The following ANK2 variants were observed in gnomAD, a reference collection of about 807,000 sequenced individuals.
ANK2 encodes the protein ankyrin-2.
A neutral mutation model predicts 360.5 loss-of-function variants in ANK2; 83 were observed. The ratio of observed to expected loss-of-function variants is 0.23; its 90% confidence interval spans 0.19 to 0.28. The LOEUF (loss-of-function observed/expected upper bound fraction) is 0.28, where lower values mean the gene tolerates loss of function less well. Among genes scored for constraint, ANK2 ranks in the 10% least tolerant of loss-of-function variants. The pLI is 1.00. For synonymous variants in ANK2, 1,740 were observed against 1,759.5 expected (o/e 0.99, Z 0.28); for missense variants, 4,201 against 4,795.7 (o/e 0.88, Z 3.66).
In ANK2 at chr4:113,076,617, G is replaced by A. The variant is rs1404979886; in HGVS notation, c.84+26805G>A. ...TCAAGACCAGCCTGGGAAGCATAACGAAACCCTGTCTCTGTAAAAAATACA... is the reference window on the plus strand; with the variant it reads ...TCAAGACCAGCCTGGGAAGCATAACAAAACCCTGTCTCTGTAAAAAATACA... On this transcript the variant is annotated intron_variant, in intron 1 of 45. Transcript: ENST00000357077. Among the ~76,000 whole-genome samples the A allele has an allele frequency of 3.9e-5, 6 of 151,986 alleles. 1 individual carries two copies. Among genetic ancestry groups the A allele is most frequent in the Admixed American group, 1.3e-4 (2 of 15,230 alleles).
At chr4:112,998,229 A>G (rs1265707165) in intron 2 of ANK2, among the ~76,000 whole-genome samples, 2 of 151,798 alleles carry the variant, frequency 1.3e-5, no homozygotes, top group Admixed American at 6.6e-5. Context: ...GGGCAAATGG[A>G]CTCTTTCAAG....
the ANK2 span, among the ~76,000 whole-genome samples, chr4:112,790,642 C>G: frequency 6.6e-6 from 1 of 151,996 alleles, no homozygotes; most frequent in African/African-American, 2.4e-5. Context: ...GTGCATGCCA[C>G]CACGCCGGCT....
Position 113,242,228 on chromosome 4 carries a change from T to C in ANK2, c.891+19T>C, listed in dbSNP as rs2153574201. ...AACTAGGGTGAGTGTCTCTGTTCTT[T>C]CAATTTTCTACCATTATTATTTCTT... On this transcript the variant is annotated intron_variant, in intron 9 of 45. Coordinates refer to ENST00000357077, the MANE Select transcript of ANK2 (RefSeq NM_001148.6). The C allele has an allele frequency of 6.3e-7, 1 of 1,597,800 alleles. No individual in the cohort carries two copies. Among genetic ancestry groups the C allele is most frequent in the Non-Finnish European group, 8.6e-7 (1 of 1,165,272 alleles).
intron 14 of ANK2, among the ~76,000 whole-genome samples, chr4:113,266,808 C>T (rs191702615): frequency 3.5e-4 from 53 of 152,074 alleles, no homozygotes; most frequent in African/African-American, 8.9e-4. Context: ...ACCCGGGAGG[C>T]GGAGGTTGCG....
Position 113,293,481 on chromosome 4 carries a change from C to T in ANK2, c.2418C>T (p.Tyr806=). The T allele has an allele frequency of 6.2e-7, 1 of 1,613,896 alleles. No individual in the cohort carries two copies. The highest frequency in any genetic ancestry group is 8.5e-7 in the Non-Finnish European group (1 of 1,180,018). ...TALAIAKRLG[Y]ISVVDTLKVV... ...TGGCGATTGCTAAGCGTCTGGGCTA[C>T]ATCTCCGTGGTCGACACCCTGAAGG... is the stretch of plus-strand genomic sequence containing the variant. The change falls in exon 22 of 46, where the codon TAC becomes TAT. Residue 806 remains tyrosine (Y), a synonymous_variant. Transcript: ENST00000357077.
the ANK2 span, among the ~76,000 whole-genome samples, chr4:112,807,219 G>T: frequency 6.6e-6 from 1 of 152,158 alleles, no homozygotes; most frequent in Admixed American, 6.5e-5. Context: ...TCATTCTTTT[G>T]TAGGGGCCTT....
the ANK2 span, among the ~76,000 whole-genome samples, chr4:112,719,521 G>C: frequency 2.2e-4 from 34 of 152,066 alleles, 1 homozygote; most frequent in Admixed American, 1.7e-3. Context: ...GAGGTCAGGA[G>C]ATCGAGACCA....
chr4:113,037,742 A>T (rs2061921367), intron 2 of ANK2, among the ~76,000 whole-genome samples: 1 of 151,984 alleles, frequency 6.6e-6, no homozygotes. Flanking sequence ...TAAAGTAGGT[A>T]TTTTCTGTTC....
In ANK2 at chr4:113,049,783, A is replaced by G. The variant is rs768352926; in HGVS notation, c.55A>G (p.Ser19Gly). 1.9e-6 allele frequency: 3 copies of G among 1,613,856 alleles called. No individual in the cohort carries two copies. The Admixed American group carries it at 5.0e-5, about 27-fold the overall frequency. Residue 19 changes from serine (S) to glycine (G), a missense_variant, in exon 1 of 46, where the codon AGT becomes GGT. By Grantham distance (56) the Ser-to-Gly change is moderately conservative. This residue lies in a region of ANK2 where 169 missense variants were observed against 191.1 expected (regional missense o/e 0.88). Coordinates refer to ENST00000357077, the MANE Select transcript of ANK2 (RefSeq NM_001148.6). ...CGACAGTGGAGAGAAGTTCAACGGC[A>G]GTAGTCAGAGGAGAAAAAGACCCAA... ...KSDSGEKFNGSSQRRKRPKKS... is the reference protein window; with the variant it reads ...KSDSGEKFNGGSQRRKRPKKS...
At chr4:113,365,506 C>T (rs1199948920) in intron 41 of ANK2, among the ~76,000 whole-genome samples, 1 of 152,106 alleles carries the variant, frequency 6.6e-6, no homozygotes, top group Non-Finnish European at 1.5e-5. Context: ...TTTCTAGGCT[C>T]ACAACTAGGA....
chr4:113,309,998 G>C (rs1267442732), intron 23 of ANK2, among the ~76,000 whole-genome samples: 3 of 152,152 alleles, frequency 2.0e-5, no homozygotes, highest in Admixed American at 6.5e-5. Context: ...GCTGTGTCTT[G>C]CTCCTTCAGA....
chr4:113,187,265 A>G (rs1008398821), intron 2 of ANK2, among the ~76,000 whole-genome samples: 2 of 152,176 alleles, frequency 1.3e-5, no homozygotes, highest in African/African-American at 4.8e-5. Context: ...GAAGACAGCA[A>G]CAGTGCCTAT....
chr4:113,041,138 A>G (rs560889449), intron 2 of ANK2, among the ~76,000 whole-genome samples: 9 of 152,178 alleles, frequency 5.9e-5, no homozygotes, highest in African/African-American at 9.6e-5. Context: ...TTCCCATTCA[A>G]TAACTCTTTA....
In ANK2 at chr4:113,358,022, G is replaced by T. The variant is rs140683986; in HGVS notation, c.9404G>T (p.Gly3135Val). ...GAAAGTTTTCACTTTTTCCAAATTG[G>T]TCAAGAATCCAGGGAAGAGACTCTC... ...ADESFHFFQI[G>V]QESREETLSE... The change falls in exon 38 of 46, where the codon GGT becomes GTT. Residue 3135 changes from glycine to valine, a missense_variant. Around this residue, in one of 4 missense-constraint regions of ANK2, gnomAD observed 2,642 missense variants for 2,714.5 expected, o/e 0.97. Transcript: ENST00000357077. The T allele has an allele frequency of 1.9e-6, 3 of 1,613,880 alleles. No individual in the cohort carries two copies. The highest frequency in any genetic ancestry group is 1.3e-5 in the African/African-American group (1 of 74,904).
chr4:112,971,424 C>T (rs1449393834), intron 2 of ANK2, among the ~76,000 whole-genome samples: 5 of 152,092 alleles, frequency 3.3e-5, no homozygotes, highest in Non-Finnish European at 5.9e-5. Flanking sequence ...TGCCTATTTC[C>T]GAGATTCAGA....
intron 1 of ANK2, among the ~76,000 whole-genome samples, chr4:112,884,293 C>T (rs2077639292): frequency 1.3e-5 from 2 of 151,992 alleles, no homozygotes; most frequent in Admixed American, 6.6e-5. Context: ...TTAGAGTAGG[C>T]GACTTTTTTG....
intron 2 of ANK2, among the ~76,000 whole-genome samples, chr4:112,953,127 T>A (rs529880551): frequency 6.6e-6 from 1 of 152,316 alleles, no homozygotes; most frequent in South Asian, 2.1e-4. Context: ...CAAGGTTACA[T>A]AAGTGGGGAC....
At chr4:112,942,865 A>T (rs1415472209) in intron 2 of ANK2, among the ~76,000 whole-genome samples, 1 of 152,090 alleles carries the variant, frequency 6.6e-6, no homozygotes, top group Non-Finnish European at 1.5e-5. Context: ...TCTATAAATT[A>T]GTCCTAACAA....
intron 1 of ANK2, among the ~76,000 whole-genome samples, chr4:113,088,343 CA>C (rs1393916828): frequency 6.6e-6 from 1 of 152,074 alleles, no homozygotes; most frequent in Non-Finnish European, 1.5e-5. Context: ...TGGGAATGGG[CA>C]AGGGGACAAG....
Sources: allele counts gnomAD v4.1 joint callset (sites outside exome capture counted in the v4.1 genomes callset), GRCh38; gene constraint gnomAD v4.1.1; regional missense constraint gnomAD v4.1.1; transcripts MANE v1.5; gene names NCBI Gene and HGNC (gene_info 2026-07-23, HGNC 2026-07-21).